Variants in LLPH observed in about 807,000 individuals in gnomAD.
LLPH encodes LLP homolog, long-term synaptic facilitation factor.
Under a neutral mutation model 13.3 loss-of-function variants are expected in LLPH, and 5 were observed. The observed-to-expected ratio is 0.38, with a 90% CI of 0.20 to 0.79. The LOEUF is 0.79. Ranked by LOEUF, LLPH falls within the 30% of genes least tolerant of loss-of-function variation. The probability of loss-of-function intolerance (pLI) is 0.45; values close to 1 mark genes in which losing one functional copy is unlikely to be tolerated. For missense variants in LLPH, 129 were observed against 152.1 expected, an observed-to-expected ratio of 0.85 and a Z score of 0.80; for synonymous variants, 32 against 44.2, an observed-to-expected ratio of 0.72 and a Z score of 1.09.
rs745858165 is a variant in LLPH at position 66,129,044 on chromosome 12, A to C, written c.63T>G (p.Asn21Lys). Residue 21 changes from asparagine to lysine, a missense_variant, in exon 2 of 3, where the codon AAT (asparagine) becomes AAG (lysine). Physicochemically the swap from Asn to Lys is moderately conservative, Grantham distance 94. Transcript: ENST00000266604. The part of the protein sequence containing the change: ...RKMRAEKRKK[N>K]APKEASRLKS... ...TAAGCCTGCTGGCCTCCTTTGGGGC[A>C]TTCTTTTTTCTCTTTTCAGCACGCA... 1 of 1,612,390 alleles carries C rather than the reference A, an allele frequency of 6.2e-7. No homozygotes were observed.
chr12:66,121,575 C>CCAAAAAT lies in LLPH; in HGVS notation c.*2258_*2264dup, dbSNP rs2136826589. ...AGAATTTGGTGCCTGGCCCCCTTTT[C>CCAAAAAT]CAAAAATCATAAAAAATGTCTACAT... On this transcript the variant is annotated 3_prime_UTR_variant, in exon 3 of 3. Coordinates refer to ENST00000266604, the MANE Select transcript of LLPH (RefSeq NM_032338.4). 1 of 151,512 alleles carries CCAAAAAT rather than the reference C, an allele frequency of 6.6e-6. No homozygotes were observed. Among genetic ancestry groups the CCAAAAAT allele is most frequent in the East Asian group, 2.0e-4 (1 of 5,084 alleles). The allele number at this position is 151,512 out of a possible 1,614,324, so 9.4% of individuals were successfully genotyped here. A position where few individuals can be genotyped will look rare whatever the true frequency, so the allele number is the denominator to read the frequency against.
At chr12:66,127,340 A>G (rs2051503668) in intron 2 of LLPH, among the ~76,000 whole-genome samples, 2 of 152,246 alleles carry the variant, frequency 1.3e-5, no homozygotes, top group South Asian at 4.1e-4. Context: ...TTAAAAAGAA[A>G]GGAAGTACTG....
In LLPH at chr12:66,123,889, C is replaced by T; in HGVS notation, c.341G>A (p.Gly114Glu). The T allele has an allele frequency of 6.2e-7, 1 of 1,612,256 alleles. No individual in the cohort carries two copies. Among genetic ancestry groups the T allele is most frequent in the Admixed American group, 1.7e-5 (1 of 60,010 alleles). Reference sequence around the variant, plus strand: ...TTTCACTGCTTTTGCTTTGCTTTTCCCCTTTCTTTTCTCTCGCTTTGCCTT... The same window carrying T: ...TTTCACTGCTTTTGCTTTGCTTTTCTCCTTTCTTTTCTCTCGCTTTGCCTT... Reference protein sequence around the residue: ...RLKAKREKRKGKSKAKAVKVA... With the variant: ...RLKAKREKRKEKSKAKAVKVA... Residue 114 changes from glycine to glutamate, a missense_variant, in exon 3 of 3, where the codon GGG (glycine) becomes GAG (glutamate). Gly to Glu is a moderately conservative substitution (Grantham distance 98, BLOSUM62 -2). Transcript: ENST00000266604.
chr12:66,126,985 C>A (rs2136830293), intron 2 of LLPH, among the ~76,000 whole-genome samples: 1 of 151,736 alleles, frequency 6.6e-6, no homozygotes, highest in East Asian at 1.9e-4. Flanking sequence ...CATTCAATGT[C>A]ATTAGTCATT....
At chr12:66,130,078 A>C (rs1473150617) in intron 1 of LLPH, among the ~76,000 whole-genome samples, 1 of 152,122 alleles carries the variant, frequency 6.6e-6, no homozygotes, top group Non-Finnish European at 1.5e-5. Context: ...CTACGTCTGT[A>C]AAGAGTCCAA....
chr12:66,126,383 C>T lies in LLPH; in HGVS notation c.212-2365G>A, dbSNP rs1455199965. ...TAGAAATTAAAAATATAAGAGAAAACCAAGTAATAAGAACCAGAATTCAAG... is the reference window on the plus strand; with the variant it reads ...TAGAAATTAAAAATATAAGAGAAAATCAAGTAATAAGAACCAGAATTCAAG... On this transcript the variant is annotated intron_variant, in intron 2 of 2. Coordinates refer to ENST00000266604, the MANE Select transcript of LLPH (RefSeq NM_032338.4). Among the ~76,000 whole-genome samples, 3 of 143,904 alleles carry T rather than the reference C, an allele frequency of 2.1e-5. No individual in the cohort carries two copies. In the East Asian group the frequency reaches 6.1e-4, roughly 29 times the overall value. The allele number at this position is 143,904 out of a possible 152,430, so 94.4% of individuals were successfully genotyped here.
At chr12:66,124,505 G>T (rs2051484489) in intron 2 of LLPH, among the ~76,000 whole-genome samples, 1 of 152,194 alleles carries the variant, frequency 6.6e-6, no homozygotes, top group Admixed American at 6.5e-5. Flanking sequence ...GACACATCCT[G>T]GGGCTGGCAT....
rs2051462884 is a variant in LLPH, at chr12:66,121,543, A to T, written c.*2297T>A. ...GTGATCCATCTGCCTCAGCCTCCCAAATTGTTAGAATTTGGTGCCTGGCCC... is the reference window on the plus strand; with the variant it reads ...GTGATCCATCTGCCTCAGCCTCCCATATTGTTAGAATTTGGTGCCTGGCCC... On this transcript the variant is annotated 3_prime_UTR_variant, in exon 3 of 3. Coordinates refer to ENST00000266604, the MANE Select transcript of LLPH (RefSeq NM_032338.4). 1 of 151,602 alleles carries T rather than the reference A, an allele frequency of 6.6e-6. No homozygotes were observed. 9.4% of individuals were successfully genotyped at this position (151,602 alleles called of 1,614,324 possible). A position where few individuals can be genotyped will look rare whatever the true frequency, so the allele number is the denominator to read the frequency against.
chr12:66,117,028 T>C lies in LLPH; in HGVS notation c.*6812A>G, dbSNP rs2051432289. 6.6e-6 allele frequency: 1 copy of C among 152,162 alleles called. No individual in the cohort carries two copies. The allele number at this position is 152,162 out of a possible 1,614,324, so 9.4% of individuals were successfully genotyped here. ...ACAGTTATGTAGTACCAAAAAACTATGTAGAGCAAAACAAGCATGATACAT... is the reference window on the plus strand; with the variant it reads ...ACAGTTATGTAGTACCAAAAAACTACGTAGAGCAAAACAAGCATGATACAT... On this transcript the variant is annotated 3_prime_UTR_variant, in exon 3 of 3. Coordinates refer to ENST00000266604, the MANE Select transcript of LLPH (RefSeq NM_032338.4).
In LLPH at chr12:66,125,190, G is replaced by C. The variant is rs150660743; in HGVS notation, c.212-1172C>G. Among the ~76,000 whole-genome samples, 30 of 152,292 alleles carry C rather than the reference G, an allele frequency of 2.0e-4. No homozygotes were observed. In the East Asian group the frequency reaches 5.8e-3, roughly 29 times the overall value. On this transcript the variant is annotated intron_variant, in intron 2 of 2. Transcript: ENST00000266604. ...AGATCACACTGGTGGATATGTAGAA[G>C]ATAAATGAGAAGGGAACAAGAGCGG...
chr12:66,125,829 A>G (rs1362596045), intron 2 of LLPH, among the ~76,000 whole-genome samples: 2 of 149,510 alleles, frequency 1.3e-5, no homozygotes, highest in Non-Finnish European at 3.0e-5. Flanking sequence ...AGCTTCTAAT[A>G]TGAAAGAAAG....
At chr12:66,125,360 G>C (rs2051489686) in intron 2 of LLPH, among the ~76,000 whole-genome samples, 1 of 152,154 alleles carries the variant, frequency 6.6e-6, no homozygotes, top group Admixed American at 6.5e-5. Context: ...TTTAGATGTG[G>C]GGAATAAAGG....
At chr12:66,124,096 A>T in intron 2 of LLPH, 78 bp from the exon 3 acceptor site, 1 of 892,114 alleles carries the variant, frequency 1.1e-6, no homozygotes, top group Non-Finnish European at 1.7e-6. Flanking sequence ...ATGCACTGAG[A>T]ACATCAGAAC....
rs1274129141 is a variant in LLPH at position 66,118,199 on chromosome 12, A to G, written c.*5641T>C. On this transcript the variant is annotated 3_prime_UTR_variant, in exon 3 of 3. Transcript: ENST00000266604. ...ACCAACATGGAGAAACCTCATCTCTACCAAAAATACAAAATTAGCCGGCCG... is the reference window on the plus strand; with the variant it reads ...ACCAACATGGAGAAACCTCATCTCTGCCAAAAATACAAAATTAGCCGGCCG... 1 of 152,148 alleles carries G rather than the reference A, an allele frequency of 6.6e-6. No homozygotes were observed. Among genetic ancestry groups the G allele is most frequent in the Non-Finnish European group, 1.5e-5 (1 of 68,056 alleles). The allele number at this position is 152,148 out of a possible 1,614,324, so 9.4% of individuals were successfully genotyped here. A position where few individuals can be genotyped will look rare whatever the true frequency, so the allele number is the denominator to read the frequency against.
At chr12:66,124,095 G>T in intron 2 of LLPH, 77 bp from the exon 3 acceptor site, 1 of 885,084 alleles carries the variant, frequency 1.1e-6, no homozygotes, top group Non-Finnish European at 1.7e-6. Context: ...AATGCACTGA[G>T]AACATCAGAA....
At position 66,123,809 on chromosome 12, in the gene LLPH, C is replaced by T. The variant is rs760184150; in HGVS notation, c.*31G>A. On this transcript the variant is annotated 3_prime_UTR_variant, in exon 3 of 3. Coordinates refer to ENST00000266604, the MANE Select transcript of LLPH (RefSeq NM_032338.4). The stretch of plus-strand genomic sequence containing the variant: ...GTATACATTCTAATCCGTCATCTAT[C>T]CCATGTGGCATTTTCCAAGGTTTTA... 1.2e-5 allele frequency: 20 copies of T among 1,608,032 alleles called. No homozygotes were observed. In the Admixed American group the frequency reaches 1.3e-4, roughly 11 times the overall value.
intron 1 of LLPH, 136 bp downstream of exon 1, chr12:66,130,569 C>T (rs2051528927): frequency 6.6e-6 from 1 of 152,258 alleles, no homozygotes; most frequent in Admixed American, 6.5e-5. Flanking sequence ...GGAACCCTCG[C>T]CCTCAACAAG....
chr12:66,124,309 A>G lies in LLPH; in HGVS notation c.212-291T>C, dbSNP rs945957983. Among the ~76,000 whole-genome samples the G allele has an allele frequency of 8.5e-5, 13 of 152,372 alleles. No homozygotes were observed. In the South Asian group the frequency reaches 1.2e-3, roughly 15 times the overall value. On this transcript the variant is annotated intron_variant, in intron 2 of 2. Coordinates refer to ENST00000266604, the MANE Select transcript of LLPH (RefSeq NM_032338.4). ...TCATATTAAGTGATTCCTTGAGTTC[A>G]GTAAGCATACCTACACTTCTAAGGG...
intron 1 of LLPH, 96 bp downstream of exon 1, chr12:66,130,609 T>C (rs150503889): frequency 1.3e-4 from 20 of 152,358 alleles, no homozygotes; most frequent in African/African-American, 4.6e-4. Flanking sequence ...AGCTCAAGTA[T>C]AGCCCAGCGA....
Sources: allele counts gnomAD v4.1 joint callset (sites outside exome capture counted in the v4.1 genomes callset), GRCh38; gene constraint gnomAD v4.1.1; transcripts MANE v1.5; gene names NCBI Gene and HGNC (gene_info 2026-07-23, HGNC 2026-07-21).